CNOT6: variants seen among roughly 807,000 people sequenced by gnomAD.
CNOT6 encodes the protein CCR4-NOT transcription complex subunit 6.
Under a neutral mutation model 61.2 loss-of-function variants are expected in CNOT6, and 12 were observed. The ratio of observed to expected loss-of-function variants is 0.20; its 90% CI spans 0.13 to 0.32. The LOEUF (loss-of-function observed/expected upper bound fraction) is 0.32. Among genes scored for constraint, CNOT6 ranks in the 10% least tolerant of loss-of-function variants. CNOT6 has a pLI of 1.00. For synonymous variants in CNOT6, 225 were observed against 240.6 expected, an observed-to-expected ratio of 0.94 and a Z score of 0.60; for missense variants, 405 against 663.9, an observed-to-expected ratio of 0.61 and a Z score of 4.28.
chr5:180,541,640 G>A (rs1759050819), intron 2 of CNOT6, among the ~76,000 whole-genome samples: 1 of 146,750 alleles, frequency 6.8e-6, no homozygotes. Context: ...TTTTAGTGAA[G>A]ACGGGGTTTC....
intron 10 of CNOT6, among the ~76,000 whole-genome samples, chr5:180,570,462 G>A (rs1175252537): frequency 6.6e-6 from 1 of 152,152 alleles, no homozygotes; most frequent in Non-Finnish European, 1.5e-5. Flanking sequence ...ATCTCATCAA[G>A]TTATCTGGGG....
chr5:180,506,886 A>T (rs186211985), intron 1 of CNOT6, among the ~76,000 whole-genome samples: 1 of 152,194 alleles, frequency 6.6e-6, no homozygotes, highest in African/African-American at 2.4e-5. Flanking sequence ...CTGGAGTTAT[A>T]AAAATATTTA....
Position 180,569,216 on chromosome 5 carries a change from G to T in CNOT6, c.1134G>T (p.Met378Ile). ...YSDVKLVQTM[M>I]FLSEVKNIID... ...ATGTGAAGTTGGTACAAACTATGAT[G>T]TTCCTCTCAGAAGTGAAGAACATTA... Residue 378 changes from methionine to isoleucine, a missense_variant, in exon 10 of 12, where the codon ATG (methionine) becomes ATT (isoleucine). By Grantham distance (10) the Met-to-Ile change is conservative. Transcript: ENST00000261951. The T allele has an allele frequency of 6.2e-7, 1 of 1,614,086 alleles. No homozygotes were observed. Among genetic ancestry groups the T allele is most frequent in the Non-Finnish European group, 8.5e-7 (1 of 1,179,948 alleles).
intron 2 of CNOT6, among the ~76,000 whole-genome samples, chr5:180,549,456 T>C (rs1759481393): frequency 2.0e-5 from 3 of 152,044 alleles, no homozygotes; most frequent in Non-Finnish European, 2.9e-5. Flanking sequence ...GAGACCATCC[T>C]TGTTAACACC....
intron 1 of CNOT6, among the ~76,000 whole-genome samples, chr5:180,500,329 C>G (rs1005930741): frequency 2.6e-5 from 4 of 152,076 alleles, no homozygotes; most frequent in African/African-American, 9.7e-5. Context: ...CCGGTTTGGT[C>G]TCACACTCCT....
chr5:180,566,461 G>A (rs1026625583), intron 7 of CNOT6, among the ~76,000 whole-genome samples: 3 of 151,922 alleles, frequency 2.0e-5, no homozygotes, highest in South Asian at 2.1e-4. Flanking sequence ...AAAGTTCGTC[G>A]ACCTCTGTGG....
intron 2 of CNOT6, among the ~76,000 whole-genome samples, chr5:180,547,643 T>G (rs1373283581): frequency 6.6e-6 from 1 of 152,224 alleles, no homozygotes; most frequent in African/African-American, 2.4e-5. Context: ...TCTGGTGGCT[T>G]TTTAGATTTT....
chr5:180,568,898 G>A (rs900067370), intron 9 of CNOT6, among the ~76,000 whole-genome samples: 5 of 152,168 alleles, frequency 3.3e-5, no homozygotes, highest in Admixed American at 3.3e-4. Context: ...TTTTGTACAA[G>A]TAGTGAATGC....
chr5:180,535,300 T>C (rs536464220), intron 2 of CNOT6, among the ~76,000 whole-genome samples: 1 of 152,350 alleles, frequency 6.6e-6, no homozygotes, highest in South Asian at 2.1e-4. Context: ...AAAGGTAACT[T>C]TTTCACCTTT....
In CNOT6 at chr5:180,509,416, A is replaced by G. The variant is rs534248818; in HGVS notation, c.-3+14653A>G. The stretch of plus-strand genomic sequence containing the variant: ...AGTGCTGGGATTACAGTTGTGAGCC[A>G]CTACACCCGGCCCTGATTTTTTTTG... On this transcript the variant is annotated intron_variant, in intron 1 of 11. Transcript: ENST00000261951. Among the ~76,000 whole-genome samples the G allele has an allele frequency of 3.9e-5, 6 of 152,082 alleles. No homozygotes were observed. In the East Asian group the frequency reaches 7.8e-4, roughly 20 times the overall value.
At chr5:180,564,895 A>G (rs1350501850) in intron 6 of CNOT6, 152 bp downstream of exon 6, 3 of 636,210 alleles carry the variant, frequency 4.7e-6, no homozygotes, top group Non-Finnish European at 8.4e-6. Flanking sequence ...TCTTGCTCAC[A>G]TGACCTCTAT....
chr5:180,571,206 TAAAA>T lies in CNOT6; in HGVS notation c.1259-20_1259-17del, dbSNP rs751371327. 6 of 1,537,266 alleles carry T rather than the reference TAAAA, an allele frequency of 3.9e-6. No individual in the cohort carries two copies. In the Admixed American group the frequency reaches 6.9e-5, roughly 18 times the overall value. On this transcript the variant is annotated intron_variant, in intron 10 of 11. Transcript: ENST00000261951. ...ATTACTTTTTGTATATATTTGACAATAAAAAAATTTGTCTTCATTGTAGGTGTTG... is the reference window on the plus strand; with the variant it reads ...ATTACTTTTTGTATATATTTGACAATAAATTTGTCTTCATTGTAGGTGTTG...
chr5:180,566,006 G>A (rs934438201), intron 7 of CNOT6, 29 bp downstream of exon 7: 2 of 1,580,254 alleles, frequency 1.3e-6, no homozygotes, highest in African/African-American at 1.4e-5. Context: ...AGTCAACCTA[G>A]CATTGATAAA....
intron 1 of CNOT6, among the ~76,000 whole-genome samples, chr5:180,499,053 A>G (rs1026689881): frequency 1.3e-5 from 2 of 152,158 alleles, no homozygotes; most frequent in South Asian, 2.1e-4. Flanking sequence ...GGCCTCCCAA[A>G]GTGCTGGGAT....
Position 180,574,457 on chromosome 5 carries a change from ATTTC to A in CNOT6, c.*260_*263del, listed in dbSNP as rs1760920583. 3 of 522,672 alleles carry A rather than the reference ATTTC, an allele frequency of 5.7e-6. No individual in the cohort carries two copies. Among genetic ancestry groups the A allele is most frequent in the Non-Finnish European group, 1.0e-5 (3 of 290,362 alleles). The allele number at this position is 522,672 out of a possible 1,614,324, so 32.4% of individuals were successfully genotyped here. Reference sequence around the variant, plus strand: ...TTCATTTGTCATAAGAGATTTTCCTATTTCTTCTACCCAATAGAATATTTTCATG... The same window carrying A: ...TTCATTTGTCATAAGAGATTTTCCTATTCTACCCAATAGAATATTTTCATG... On this transcript the variant is annotated 3_prime_UTR_variant, in exon 12 of 12. Coordinates refer to ENST00000261951, the MANE Select transcript of CNOT6 (RefSeq NM_001370472.1).
At chr5:180,564,799 C>G in intron 6 of CNOT6, 56 bp downstream of exon 6, 1 of 1,257,608 alleles carries the variant, frequency 8.0e-7, no homozygotes, top group South Asian at 1.2e-5. Context: ...ATAAGCCTAA[C>G]AGTATTGTCA....
intron 1 of CNOT6, among the ~76,000 whole-genome samples, chr5:180,514,915 C>A (rs1466802372): frequency 6.6e-6 from 1 of 152,068 alleles, no homozygotes; most frequent in Non-Finnish European, 1.5e-5. Context: ...CTAGGCATTA[C>A]ACAAGACATT....
intron 6 of CNOT6, among the ~76,000 whole-genome samples, chr5:180,565,358 T>C (rs550559913): frequency 2.0e-5 from 3 of 152,356 alleles, no homozygotes; most frequent in South Asian, 2.1e-4. Flanking sequence ...GGAGCTTTCA[T>C]GGTGCGTGTA....
chr5:180,545,439 T>C lies in CNOT6; in HGVS notation c.113-4492T>C, dbSNP rs992771021. 9.2e-5 allele frequency among the ~76,000 whole-genome samples: 14 copies of C among 152,226 alleles called. 1 individual carries two copies. Among genetic ancestry groups the C allele is most frequent in the African/African-American group, 3.4e-4 (14 of 41,452 alleles). On this transcript the variant is annotated intron_variant, in intron 2 of 11. Transcript: ENST00000261951. ...CAGTATGTACCCTTTTTTCTTTTTTTCATGAAAATGGACACCTTGCATTTT... is the reference window on the plus strand; with the variant it reads ...CAGTATGTACCCTTTTTTCTTTTTTCCATGAAAATGGACACCTTGCATTTT...
Sources: gnomAD v4.1 joint callset for allele counts (sites outside exome capture counted in the v4.1 genomes callset) on GRCh38, gnomAD v4.1.1 for gene constraint, MANE v1.5 for transcripts, NCBI Gene and HGNC (gene_info 2026-07-23, HGNC 2026-07-21) for gene names.